The following SPATS2L variants were observed in gnomAD, a reference collection of about 807,000 sequenced individuals.
SPATS2L encodes the protein spermatogenesis associated serine rich 2 like, also known as SPATS2-like protein.
A neutral mutation model predicts 59.6 loss-of-function variants in SPATS2L; 30 were observed. The ratio of observed to expected loss-of-function variants is 0.50; its 90% confidence interval spans 0.38 to 0.68. SPATS2L has a LOEUF of 0.68. Ranked by LOEUF, SPATS2L falls within the 30% of genes least tolerant of loss-of-function variation. SPATS2L has a pLI of 0.00. For synonymous variants in SPATS2L, 252 were observed against 263.5 expected, an observed-to-expected ratio of 0.96 and a Z score of 0.42; for missense variants, 615 against 700.0, an observed-to-expected ratio of 0.88 and a Z score of 1.37.
In SPATS2L at chr2:200,439,334, G is replaced by A. The variant is rs2084526359; in HGVS notation, c.652+6G>A. 3 of 1,607,712 alleles carry A rather than the reference G, an allele frequency of 1.9e-6. No individual in the cohort carries two copies. The highest frequency in any genetic ancestry group is 4.5e-5 in the East Asian group (2 of 44,792). ...TGAGTTGGCAAAGAAAAGAGGTAAA[G>A]TGATTTCTTTTGCACAAATGATTCA... On this transcript the variant is annotated splice_donor_region_variant and intron_variant, in intron 7 of 12. Coordinates refer to ENST00000409140, the MANE Select transcript of SPATS2L (RefSeq NM_001100423.2).
intron 7 of SPATS2L, 148 bp downstream of exon 7, chr2:200,439,476 A>G: frequency 1.5e-6 from 1 of 653,116 alleles, no homozygotes. Flanking sequence ...ACATAGATGG[A>G]AAGGCAGAGG....
intron 2 of SPATS2L, among the ~76,000 whole-genome samples, chr2:200,343,310 A>G (rs1002700856): frequency 1.3e-5 from 2 of 152,238 alleles, no homozygotes; most frequent in South Asian, 4.1e-4. Context: ...CTTGGCTGGA[A>G]GTATACAAAT....
chr2:200,350,769 A>G (rs758155927), intron 2 of SPATS2L, among the ~76,000 whole-genome samples: 28 of 152,130 alleles, frequency 1.8e-4, no homozygotes, highest in Non-Finnish European at 2.2e-4. Context: ...TCCTGACCTC[A>G]AGTGATCTGC....
At chr2:200,336,537 A>G (rs1192279699) in intron 2 of SPATS2L, among the ~76,000 whole-genome samples, 1 of 152,208 alleles carries the variant, frequency 6.6e-6, no homozygotes, top group South Asian at 2.1e-4. Context: ...AGGTCATCAT[A>G]CCATTAAAAG....
chr2:200,400,286 T>C (rs1248327512), intron 3 of SPATS2L, among the ~76,000 whole-genome samples: 1 of 152,168 alleles, frequency 6.6e-6, no homozygotes, highest in African/African-American at 2.4e-5. Flanking sequence ...AAAACAGACC[T>C]CCAGTGGACT....
intron 3 of SPATS2L, among the ~76,000 whole-genome samples, chr2:200,399,292 A>G (rs961350499): frequency 2.0e-5 from 3 of 152,088 alleles, no homozygotes; most frequent in Non-Finnish European, 2.9e-5. Context: ...ACTATTTTAC[A>G]TGCTTCATAT....
chr2:200,349,337 A>G (rs1266063557), intron 2 of SPATS2L, among the ~76,000 whole-genome samples: 1 of 152,178 alleles, frequency 6.6e-6, no homozygotes, highest in African/African-American at 2.4e-5. Flanking sequence ...GGCTACATCA[A>G]GAGTCAAAGA....
intron 3 of SPATS2L, among the ~76,000 whole-genome samples, chr2:200,411,587 A>G (rs1440871916): frequency 6.6e-6 from 1 of 152,254 alleles, no homozygotes; most frequent in Non-Finnish European, 1.5e-5. Flanking sequence ...ACTGTGAGAT[A>G]AAGGTCAATT....
chr2:200,335,492 T>C (rs2080113908), intron 2 of SPATS2L, among the ~76,000 whole-genome samples: 3 of 152,190 alleles, frequency 2.0e-5, no homozygotes, highest in African/African-American at 7.2e-5. Context: ...TTGACGGGGC[T>C]GGTAGTGACG....
chr2:200,363,000 G>A (rs1289493897), intron 2 of SPATS2L, among the ~76,000 whole-genome samples: 3 of 152,144 alleles, frequency 2.0e-5, no homozygotes, highest in Admixed American at 6.5e-5. Flanking sequence ...GATAGGTTCA[G>A]TATAAAACCA....
At chr2:200,341,790 A>T (rs2080336293) in intron 2 of SPATS2L, among the ~76,000 whole-genome samples, 1 of 151,668 alleles carries the variant, frequency 6.6e-6, no homozygotes, top group South Asian at 2.1e-4. Context: ...CCTGGGTTCA[A>T]GTAATTCTCC....
At chr2:200,407,635 A>C (rs1263242752) in intron 3 of SPATS2L, among the ~76,000 whole-genome samples, 3 of 152,210 alleles carry the variant, frequency 2.0e-5, no homozygotes, top group Non-Finnish European at 2.9e-5. Context: ...AAACTCCACA[A>C]AATACCATGA....
chr2:200,396,025 A>AT (rs1446590888), intron 3 of SPATS2L, among the ~76,000 whole-genome samples: 9 of 42,006 alleles, frequency 2.1e-4, no homozygotes, highest in African/African-American at 4.0e-4. Flanking sequence ...AAAAAAAAAA[A>AT]AAAAAAAAAT....
At chr2:200,347,946 C>T (rs2080574775) in intron 2 of SPATS2L, among the ~76,000 whole-genome samples, 1 of 152,212 alleles carries the variant, frequency 6.6e-6, no homozygotes, top group Non-Finnish European at 1.5e-5. Flanking sequence ...CATATAACTT[C>T]TCTTTCCATT....
chr2:200,347,196 C>G (rs931304729), intron 2 of SPATS2L, among the ~76,000 whole-genome samples: 5 of 152,158 alleles, frequency 3.3e-5, no homozygotes, highest in African/African-American at 7.2e-5. Flanking sequence ...ATTTCCTACC[C>G]AGTACCCATT....
intron 6 of SPATS2L, among the ~76,000 whole-genome samples, chr2:200,420,120 A>T (rs1027488249): frequency 6.6e-6 from 1 of 152,120 alleles, no homozygotes; most frequent in Non-Finnish European, 1.5e-5. Context: ...ATAGCTATAT[A>T]TTTATTACTC....
intron 6 of SPATS2L, among the ~76,000 whole-genome samples, chr2:200,429,253 A>G (rs1219939713): frequency 2.6e-5 from 4 of 152,252 alleles, no homozygotes; most frequent in African/African-American, 9.6e-5. Flanking sequence ...AATGTAAAGC[A>G]TTGTTAATTA....
intron 1 of SPATS2L, among the ~76,000 whole-genome samples, chr2:200,322,815 G>A (rs2079608812): frequency 6.6e-6 from 1 of 152,106 alleles, no homozygotes; most frequent in South Asian, 2.1e-4. Flanking sequence ...TAAAAATGGG[G>A]GAAAAAACCC....
intron 2 of SPATS2L, among the ~76,000 whole-genome samples, chr2:200,367,214 T>C (rs2081292209): frequency 6.6e-6 from 1 of 152,258 alleles, no homozygotes; most frequent in Non-Finnish European, 1.5e-5. Context: ...TGTGTTTAGC[T>C]TAGCTTATAG....
Sources: allele counts gnomAD v4.1 joint callset (sites outside exome capture counted in the v4.1 genomes callset), GRCh38; gene constraint gnomAD v4.1.1; transcripts MANE v1.5; gene names NCBI Gene and HGNC (gene_info 2026-07-23, HGNC 2026-07-21).